The following COL4A5 variants were observed in gnomAD, a reference collection of about 807,000 sequenced individuals.
The protein encoded by COL4A5 is collagen type IV alpha 5 chain.
COL4A5 carries 26 observed loss-of-function variants against 130.2 expected under a neutral mutation model. The observed-to-expected ratio is 0.20, with a 90% CI of 0.15 to 0.28. The LOEUF (loss-of-function observed/expected upper bound fraction) is 0.28. Ranked by LOEUF, COL4A5 falls within the 10% of genes least tolerant of loss-of-function variation. The pLI is 1.00. For synonymous variants in COL4A5, 496 were observed against 439.6 expected, an observed-to-expected ratio of 1.13 and a Z score of -1.60; for missense variants, 1,131 against 1,344.3, an observed-to-expected ratio of 0.84 and a Z score of 2.48.
chrX:108,653,555 C>G (rs1189031741), intron 36 of COL4A5, among the ~76,000 whole-genome samples: 1 of 111,027 alleles, frequency 9.0e-6, no homozygotes, highest in Non-Finnish European at 1.9e-5. Context: ...TTATTTATTT[C>G]TGGAATTTTC....
At chrX:108,491,116 G>A (rs759128513) in intron 1 of COL4A5, among the ~76,000 whole-genome samples, 3 of 111,996 alleles carry the variant, frequency 2.7e-5, no homozygotes, top group Non-Finnish European at 5.6e-5. Flanking sequence ...GAACATTCAT[G>A]TGTGCACATG....
At chrX:108,494,924 G>T (rs971179785) in intron 1 of COL4A5, among the ~76,000 whole-genome samples, 1 of 111,199 alleles carries the variant, frequency 9.0e-6, no homozygotes, top group African/African-American at 3.3e-5. Context: ...TATTGGAAAA[G>T]AATATAGTGG....
intron 19 of COL4A5, among the ~76,000 whole-genome samples, chrX:108,589,616 C>T (rs770880457): frequency 9.0e-6 from 1 of 111,473 alleles, no homozygotes; most frequent in East Asian, 2.8e-4. Context: ...CATAAAAAAG[C>T]TGGTTTAGCA....
At chrX:108,578,762 C>A (rs1346319378) in intron 13 of COL4A5, among the ~76,000 whole-genome samples, 2 of 107,352 alleles carry the variant, frequency 1.9e-5, no homozygotes, top group Non-Finnish European at 3.8e-5. Context: ...TCACTGCAAC[C>A]TCCGCCTCCC....
At chrX:108,471,684 G>A (rs886156156) in intron 1 of COL4A5, among the ~76,000 whole-genome samples, 9 of 111,887 alleles carry the variant, frequency 8.0e-5, no homozygotes, top group Admixed American at 6.6e-4. Flanking sequence ...TCGAAAAGGA[G>A]TGGTGAGAAT....
chrX:108,641,357 G>A (rs1239775521), intron 36 of COL4A5, among the ~76,000 whole-genome samples: 1 of 111,648 alleles, frequency 9.0e-6, no homozygotes, highest in Non-Finnish European at 1.9e-5. Context: ...AGAAAATTGA[G>A]GAGAGTGAGG....
rs148343814 is a variant in COL4A5, at chrX:108,653,468, G to C, written c.3247-1863G>C. ...ATATGCTGGGGAAAGGAGTAGTTCAGGTTTCGAGAGGGATGGAATGGGACA... is the reference window on the plus strand; with the variant it reads ...ATATGCTGGGGAAAGGAGTAGTTCACGTTTCGAGAGGGATGGAATGGGACA... On this transcript the variant is annotated intron_variant, in intron 36 of 52. Transcript: ENST00000328300. 4.3e-3 allele frequency among the ~76,000 whole-genome samples: 477 copies of C among 111,002 alleles called. 4 individuals are homozygous for C. Among genetic ancestry groups the C allele is most frequent in the African/African-American group, 0.014 (430 of 30,527 alleles).
chrX:108,665,661 C>A, intron 38 of COL4A5, 74 bp downstream of exon 38: 1 of 725,987 alleles, frequency 1.4e-6, no homozygotes, highest in Non-Finnish European at 2.1e-6. Flanking sequence ...AAAGTCAAAT[C>A]ATGTTCAGCT....
chrX:108,450,364 G>T (rs1285279783), intron 1 of COL4A5, among the ~76,000 whole-genome samples: 1 of 111,756 alleles, frequency 8.9e-6, no homozygotes, highest in Admixed American at 9.6e-5. Context: ...AAAGAGCTGG[G>T]ATTACAGGCA....
intron 2 of COL4A5, among the ~76,000 whole-genome samples, chrX:108,555,888 A>G (rs1399325535): frequency 8.9e-6 from 1 of 111,916 alleles, no homozygotes; most frequent in Non-Finnish European, 1.9e-5. Flanking sequence ...TAAATCTTAC[A>G]TGTTTTTAAC....
intron 19 of COL4A5, among the ~76,000 whole-genome samples, chrX:108,587,986 A>G (rs1050403756): frequency 2.7e-5 from 3 of 111,385 alleles, no homozygotes; most frequent in African/African-American, 9.8e-5. Flanking sequence ...AAAATTTCAG[A>G]AATACCTAAC....
At chrX:108,626,188 A>G (rs757653594) in intron 35 of COL4A5, 22 bp from the exon 36 acceptor site, 5 of 1,192,572 alleles carry the variant, frequency 4.2e-6, no homozygotes, top group South Asian at 1.8e-5. Context: ...GTAAAATATT[A>G]TATATCACAT....
chrX:108,567,151 C>G (rs1046498058), intron 4 of COL4A5, among the ~76,000 whole-genome samples: 7 of 110,475 alleles, frequency 6.3e-5, no homozygotes, highest in Non-Finnish European at 9.5e-5. Context: ...TCTTGAAAAC[C>G]ATTAATTATT....
chrX:108,622,874 T>A, intron 33 of COL4A5, 49 bp downstream of exon 33: 5 of 1,111,216 alleles, frequency 4.5e-6, no homozygotes, highest in Non-Finnish European at 6.1e-6. Flanking sequence ...ATATCTGAAG[T>A]TTAATTTTTA....
chrX:108,459,856 A>G (rs1243747557), intron 1 of COL4A5, among the ~76,000 whole-genome samples: 2 of 112,269 alleles, frequency 1.8e-5, no homozygotes, highest in Non-Finnish European at 3.8e-5. Flanking sequence ...CATAGTTTTA[A>G]TTTACTATTA....
chrX:108,561,217 CT>C (rs775844080), intron 3 of COL4A5, among the ~76,000 whole-genome samples: 1 of 111,792 alleles, frequency 8.9e-6, no homozygotes. Flanking sequence ...AAATCAGAAT[CT>C]TGTGAACTAC....
chrX:108,478,693 A>T (rs2064860338), intron 1 of COL4A5, among the ~76,000 whole-genome samples: 1 of 111,855 alleles, frequency 8.9e-6, no homozygotes, highest in South Asian at 3.8e-4. Context: ...TTAGCCAAAA[A>T]GTTAGTGCCT....
intron 36 of COL4A5, among the ~76,000 whole-genome samples, chrX:108,646,852 G>C (rs1317625188): frequency 5.4e-5 from 6 of 110,402 alleles, no homozygotes; most frequent in African/African-American, 2.0e-4. Context: ...TTTCCCCATT[G>C]CTTGTTTTTG....
At chrX:108,487,115 G>A (rs1365033620) in intron 1 of COL4A5, among the ~76,000 whole-genome samples, 1 of 111,097 alleles carries the variant, frequency 9.0e-6, no homozygotes, top group Non-Finnish European at 1.9e-5. Flanking sequence ...TTTTCAGCTG[G>A]GTGTGGTGGC....
Sources: allele counts gnomAD v4.1 joint callset (sites outside exome capture counted in the v4.1 genomes callset), GRCh38; gene constraint gnomAD v4.1.1; transcripts MANE v1.5; gene names NCBI Gene and HGNC (gene_info 2026-07-23, HGNC 2026-07-21).